SUFU: variants seen among roughly 807,000 people sequenced by gnomAD.
The protein encoded by SUFU is SUFU negative regulator of hedgehog signaling.
Under a neutral mutation model 58.9 loss-of-function variants are expected in SUFU, and 7 were observed. That is an observed-to-expected ratio of 0.12 (90% CI 0.07 to 0.22). The LOEUF (loss-of-function observed/expected upper bound fraction) is 0.22. Among genes scored for constraint, SUFU ranks in the 10% least tolerant of loss-of-function variants. SUFU has a pLI of 1.00. For synonymous variants in SUFU, 232 were observed against 254.8 expected, an observed-to-expected ratio of 0.91 and a Z score of 0.85; for missense variants, 451 against 641.3, an observed-to-expected ratio of 0.70 and a Z score of 3.20.
In SUFU at chr10:102,630,203, A is replaced by G; in HGVS notation, c.*48A>G. The G allele has an allele frequency of 7.1e-7, 1 of 1,411,922 alleles. No individual in the cohort carries two copies. The highest frequency in any genetic ancestry group is 1.1e-5 in the South Asian group (1 of 87,112). 87.5% of individuals were successfully genotyped at this position (1,411,922 alleles called of 1,614,324 possible). A position where few individuals can be genotyped will look rare whatever the true frequency, so the allele number is the denominator to read the frequency against. ...CCAGCAGGGAGCCCAGCTGCTCCCC[A>G]GTGACTTCCAGTGTAACAGTTGTGT... On this transcript the variant is annotated 3_prime_UTR_variant, in exon 12 of 12. Transcript: ENST00000369902.
At chr10:102,529,588 A>G (rs1365982505) in intron 2 of SUFU, among the ~76,000 whole-genome samples, 2 of 152,122 alleles carry the variant, frequency 1.3e-5, no homozygotes, top group African/African-American at 4.8e-5. Context: ...CCTGGCCAAT[A>G]TGGAAGGCTG....
chr10:102,552,672 A>G (rs2062931791), intron 3 of SUFU, among the ~76,000 whole-genome samples: 1 of 152,224 alleles, frequency 6.6e-6, no homozygotes, highest in South Asian at 2.1e-4. Flanking sequence ...TGATTATGGT[A>G]TTATGGTTAT....
chr10:102,580,588 G>T (rs2063266732), intron 3 of SUFU, among the ~76,000 whole-genome samples: 1 of 152,122 alleles, frequency 6.6e-6, no homozygotes, highest in South Asian at 2.1e-4. Flanking sequence ...GCTGTTACCA[G>T]GAAAAGTCAG....
rs1237592914 is a variant in SUFU, at chr10:102,617,671, C to G, written c.1296+243C>G. 1.9e-5 allele frequency: 12 copies of G among 616,602 alleles called. 1 individual carries two copies. The highest frequency in any genetic ancestry group is 3.5e-5 in the Non-Finnish European group (12 of 341,042). 38.2% of individuals were successfully genotyped at this position (616,602 alleles called of 1,614,324 possible). Reference sequence around the variant, plus strand: ...CACCTGAGACACAAGTGTTAACTCTCCAGGCCCTGGCTCTTGGTAATTCTG... The same window carrying G: ...CACCTGAGACACAAGTGTTAACTCTGCAGGCCCTGGCTCTTGGTAATTCTG... On this transcript the variant is annotated intron_variant, in intron 10 of 11. Coordinates refer to ENST00000369902, the MANE Select transcript of SUFU (RefSeq NM_016169.4). This position sits in a 1 kb window ranked among gnomAD's most constrained non-coding sequence, Gnocchi z 4.4.
At chr10:102,513,085 A>G (rs2062421609) in intron 2 of SUFU, among the ~76,000 whole-genome samples, 1 of 152,138 alleles carries the variant, frequency 6.6e-6, no homozygotes, top group Non-Finnish European at 1.5e-5. Context: ...AAATAAAGAA[A>G]GAAAAATAAT....
chr10:102,571,217 T>C, intron 3 of SUFU, among the ~76,000 whole-genome samples: 1 of 152,222 alleles, frequency 6.6e-6, no homozygotes, highest in East Asian at 1.9e-4. Context: ...CATGACCTGA[T>C]AGAAGAAAAA....
At chr10:102,513,915 C>T (rs761265456) in intron 2 of SUFU, among the ~76,000 whole-genome samples, 15 of 152,000 alleles carry the variant, frequency 9.9e-5, no homozygotes, top group East Asian at 5.8e-4. Context: ...GAGATGGTCT[C>T]GCTCTGTTGC....
rs2063715136 is a variant in SUFU, at chr10:102,618,937, T to TGTGTGTGTGC, written c.1296+1518_1296+1519insCGTGTGTGTG. On this transcript the variant is annotated intron_variant, in intron 10 of 11. Coordinates refer to ENST00000369902, the MANE Select transcript of SUFU (RefSeq NM_016169.4). Reference sequence around the variant, plus strand: ...CCCAAGTGTCCTCAGGTAGCGTGTGTGTGTGTGTGTGTGTGTGTGTGTGTG... The same window carrying TGTGTGTGTGC: ...CCCAAGTGTCCTCAGGTAGCGTGTGTGTGTGTGTGCGTGTGTGTGTGTGTGTGTGTGTGTG... The TGTGTGTGTGC allele has an allele frequency of 1.1e-4, 43 of 397,134 alleles. No homozygotes were observed. The South Asian group carries it at 1.1e-3, about 10-fold the overall frequency. 24.6% of individuals were successfully genotyped at this position (397,134 alleles called of 1,614,324 possible). A position where few individuals can be genotyped will look rare whatever the true frequency, so the allele number is the denominator to read the frequency against.
rs386372286 is a variant in SUFU at position 102,519,137 on chromosome 10, C to CA, written c.317+9852dup. ...CCTGGGAGACAGCGAGACTCTGTCT[C>CA]AAAAAAAAAAAAAAAAAAGAAAGAG... is the stretch of plus-strand genomic sequence containing the variant. On this transcript the variant is annotated intron_variant, in intron 2 of 11. Transcript: ENST00000369902. Among the ~76,000 whole-genome samples the CA allele has an allele frequency of 3.4e-3, 294 of 86,684 alleles. 7 individuals are homozygous for CA. The highest frequency in any genetic ancestry group is 0.013 in the South Asian group (32 of 2,376). 56.9% of individuals were successfully genotyped at this position (86,684 alleles called of 152,430 possible). A position where few individuals can be genotyped will look rare whatever the true frequency, so the allele number is the denominator to read the frequency against.
intron 3 of SUFU, chr10:102,579,872 G>C: frequency 1.0e-6 from 1 of 985,312 alleles, no homozygotes; most frequent in Non-Finnish European, 1.2e-6. Flanking sequence ...GGTGAGGGTA[G>C]GGGTTAATTC....
chr10:102,581,320 G>C (rs2063277547), intron 3 of SUFU, among the ~76,000 whole-genome samples: 1 of 152,048 alleles, frequency 6.6e-6, no homozygotes, highest in Non-Finnish European at 1.5e-5. Context: ...CATCTGGGCT[G>C]GGCAGAAGCC....
rs2063851039 is a variant in SUFU at position 102,633,065 on chromosome 10, T to C, written c.*2910T>C. On this transcript the variant is annotated 3_prime_UTR_variant, in exon 12 of 12. Transcript: ENST00000369902. ...TAGACACAGGGTCTTGGGACTGGGG[T>C]TTCGGATTGAGTTGCAAGCAGGGAG... 4.3e-6 allele frequency: 1 copy of C among 233,068 alleles called. No homozygotes were observed. The highest frequency in any genetic ancestry group is 8.5e-6 in the Non-Finnish European group (1 of 118,062). 14.4% of individuals were successfully genotyped at this position (233,068 alleles called of 1,614,324 possible).
At chr10:102,544,107 A>C (rs1353665882) in intron 2 of SUFU, among the ~76,000 whole-genome samples, 1 of 151,882 alleles carries the variant, frequency 6.6e-6, no homozygotes, top group African/African-American at 2.4e-5. Flanking sequence ...TCACAAAAAA[A>C]AGATGAGCTT....
intron 3 of SUFU, chr10:102,572,692 T>G: frequency 1.6e-6 from 1 of 617,632 alleles, no homozygotes; most frequent in Non-Finnish European, 3.0e-6. Flanking sequence ...ATGCCCAGCC[T>G]TTTTTTTGTT....
intron 2 of SUFU, among the ~76,000 whole-genome samples, chr10:102,548,603 A>G (rs2062877939): frequency 6.6e-6 from 1 of 152,212 alleles, no homozygotes; most frequent in Admixed American, 6.5e-5. Flanking sequence ...TGTACAAGAT[A>G]TAATTACTGA....
chr10:102,505,290 C>A (rs7072351), intron 1 of SUFU, among the ~76,000 whole-genome samples: 1 of 152,002 alleles, frequency 6.6e-6, no homozygotes, highest in African/African-American at 2.4e-5. Context: ...CAGCCTGTTT[C>A]TTCCTTCAGC....
intron 2 of SUFU, among the ~76,000 whole-genome samples, chr10:102,519,058 A>C (rs1319127557): frequency 6.9e-6 from 1 of 145,164 alleles, no homozygotes; most frequent in Non-Finnish European, 1.5e-5. Flanking sequence ...GGAGAATGGC[A>C]TGAACCCGGG....
At chr10:102,593,570 T>C in intron 4 of SUFU, 66 bp from the exon 5 acceptor site, 3 of 1,530,374 alleles carry the variant, frequency 2.0e-6, no homozygotes, top group Admixed American at 1.7e-5. Context: ...AGAGCCTGGG[T>C]AGCTGACCTT....
Position 102,509,193 on chromosome 10 carries a change from C to G in SUFU, c.207C>G (p.Asp69Glu). ...GGTTGGGTGGCCCAGACCCCTTGGACTATGTTAGCATGTACAGGAATGTGG... is the reference window on the plus strand; with the variant it reads ...GGTTGGGTGGCCCAGACCCCTTGGAGTATGTTAGCATGTACAGGAATGTGG... ...KYWLGGPDPL[D>E]YVSMYRNVGS... The change falls in exon 2 of 12, where the codon GAC (aspartate) becomes GAG (glutamate). Residue 69 changes from aspartate (D) to glutamate (E), a missense_variant. By Grantham distance (45) the Asp-to-Glu change is conservative. Transcript: ENST00000369902. 1.2e-6 allele frequency: 2 copies of G among 1,614,194 alleles called. No homozygotes were observed. Among genetic ancestry groups the G allele is most frequent in the Non-Finnish European group, 1.7e-6 (2 of 1,180,032 alleles).
Sources: gnomAD v4.1 joint callset for allele counts (sites outside exome capture counted in the v4.1 genomes callset) on GRCh38, gnomAD v4.1.1 for gene constraint, Gnocchi (gnomAD v3.1) non-coding constraint, MANE v1.5 for transcripts, NCBI Gene and HGNC (gene_info 2026-07-23, HGNC 2026-07-21) for gene names.